The following ABCA2 variants were observed in gnomAD, a reference collection of about 807,000 sequenced individuals.
The protein encoded by ABCA2 is ATP binding cassette subfamily A member 2.
In ABCA2, 84 loss-of-function variants were observed where a neutral mutation model predicts 262.8. That is an observed-to-expected ratio of 0.32 (90% CI 0.27 to 0.38). The LOEUF (loss-of-function observed/expected upper bound fraction) is 0.38, where lower values mean the gene tolerates loss of function less well. Ranked by LOEUF, ABCA2 falls within the 10% of genes least tolerant of loss-of-function variation. ABCA2 has a pLI of 1.00. For missense variants in ABCA2, 2,662 were observed against 3,405.9 expected (o/e 0.78, Z 5.44); for synonymous variants, 1,696 against 1,502.9 (o/e 1.13, Z -2.97).
Position 137,016,372 on chromosome 9 carries a change from AG to A in ABCA2, c.3022del (p.Leu1008Ter). 1 of 1,612,934 alleles carries A rather than the reference AG, an allele frequency of 6.2e-7. No individual in the cohort carries two copies. The highest frequency in any genetic ancestry group is 8.5e-7 in the Non-Finnish European group (1 of 1,179,992). On this transcript the variant is annotated frameshift_variant, in exon 21 of 49. Transcript: ENST00000341511. LOFTEE classifies it high-confidence loss of function. The part of the protein sequence containing the change: ...KVYKDDKKLA[L>X]NKLSLNLYEN... ...GTAGAGGTTCAGGCTCAGCTTGTTC[AG>A]GGCCAGCTTCTTGTCGTCCTTGTAG...
chr9:137,015,398 C>A lies in ABCA2; in HGVS notation c.3697+16G>T. On this transcript the variant is annotated intron_variant, in intron 24 of 48. Coordinates refer to ENST00000341511, the MANE Select transcript of ABCA2 (RefSeq NM_001606.5). The stretch of plus-strand genomic sequence containing the variant: ...GAAGGTGGCCCGAAGCCAGCTCAGG[C>A]AGCTTCAACACAGACCTTGGGGGCC... 1 of 1,543,904 alleles carries A rather than the reference C, an allele frequency of 6.5e-7. No homozygotes were observed. The highest frequency in any genetic ancestry group is 8.7e-7 in the Non-Finnish European group (1 of 1,143,038).
At position 137,017,537 on chromosome 9, in the gene ABCA2, G is replaced by A. The variant is rs781321801; in HGVS notation, c.2367C>T (p.Phe789=). The A allele has an allele frequency of 6.2e-7, 1 of 1,611,106 alleles. No homozygotes were observed. Among genetic ancestry groups the A allele is most frequent in the Non-Finnish European group, 8.5e-7 (1 of 1,178,536 alleles). The change falls in exon 17 of 49, where the codon TTC becomes TTT. Residue 789 remains phenylalanine (F), a synonymous_variant. Transcript: ENST00000341511. ...TGGTGGCCACCGCGTAGACTGCCAG[G>A]AAGAGCCAGATGATGACCACGTGGC... ...MHSHVVIIWL[F]LAVYAVATIM...
In ABCA2 at chr9:137,015,490, G is replaced by C. The variant is rs748783686; in HGVS notation, c.3621C>G (p.Leu1207=). The C allele has an allele frequency of 1.2e-6, 2 of 1,610,250 alleles. No individual in the cohort carries two copies. The highest frequency in any genetic ancestry group is 8.5e-7 in the Non-Finnish European group (1 of 1,178,912). The change falls in exon 24 of 49, where the codon CTC becomes CTG. Residue 1207 remains leucine, a synonymous_variant. Coordinates refer to ENST00000341511, the MANE Select transcript of ABCA2 (RefSeq NM_001606.5). ...HGKLKCCGSP[L]FLKGTYGDGY... is the part of the protein sequence containing the mutation. ...CGTCGCCATAGGTGCCCTTGAGGAA[G>C]AGCGGGGAGCCGCAGCACTTGAGCT...
chr9:137,012,972 GC>G (rs764743418), intron 30 of ABCA2, 29 bp downstream of exon 30: 9 of 1,480,024 alleles, frequency 6.1e-6, no homozygotes, highest in East Asian at 2.5e-5. Flanking sequence ...CACTGCCCCT[GC>G]CCCCCCAGCA....
intron 43 of ABCA2, 43 bp from the exon 44 acceptor site, chr9:137,009,687 C>A (rs1473442468): frequency 1.2e-6 from 2 of 1,612,126 alleles, no homozygotes; most frequent in South Asian, 1.1e-5. Flanking sequence ...GGCCCACACA[C>A]CCCAGCCTGA....
rs1437310870 is a variant in ABCA2, at chr9:137,008,791, C to T, written c.7008G>A (p.Glu2336=). ...CGATGCCCAGCACGCCAGACACCTG[C>T]TCCATCTTGCTGAACACCTGGGCCA... The part of the protein sequence containing the change: ...ISLAQVFSKM[E]QVSGVLGIED... Residue 2336 remains glutamate, a synonymous_variant, in exon 47 of 49, where the codon GAG becomes GAA. Coordinates refer to ENST00000341511, the MANE Select transcript of ABCA2 (RefSeq NM_001606.5). 1 of 1,603,214 alleles carries T rather than the reference C, an allele frequency of 6.2e-7. No individual in the cohort carries two copies.
intron 6 of ABCA2, 81 bp downstream of exon 6, chr9:137,022,270 A>G: frequency 6.8e-7 from 1 of 1,474,108 alleles, no homozygotes. Context: ...CAGGCTGAGC[A>G]TCCTGAGGAT....
At chr9:137,025,099 C>T (rs1831608575) in intron 1 of ABCA2, among the ~76,000 whole-genome samples, 1 of 152,246 alleles carries the variant, frequency 6.6e-6, no homozygotes, top group Non-Finnish European at 1.5e-5. Flanking sequence ...TGCCCTGTCC[C>T]CTCTCCTGAC....
At chr9:137,009,076 C>T (rs781542853) in intron 45 of ABCA2, 23 bp from the exon 46 acceptor site, 14 of 1,596,510 alleles carry the variant, frequency 8.8e-6, no homozygotes, top group Admixed American at 6.7e-5. Context: ...GCCGGTGGCC[C>T]GGAGCCCTGC....
rs758468761 is a variant in ABCA2, at chr9:137,021,598, C to T, written c.691G>A (p.Ala231Thr). 3 of 1,555,660 alleles carry T rather than the reference C, an allele frequency of 1.9e-6. No individual in the cohort carries two copies. The highest frequency in any genetic ancestry group is 2.6e-6 in the Non-Finnish European group (3 of 1,151,026). ...PLFRMEELLL[A>T]PALLEQLTCT... ...GTGAGCTGCTCCAGGAGGGCAGGAG[C>T]CAGCAGCAGCTCCTGGGATGGGCAC... Residue 231 changes from alanine to threonine, a missense_variant, in exon 8 of 49, where the codon GCT (alanine) becomes ACT (threonine). Physicochemically the swap from Ala to Thr is moderately conservative, Grantham distance 58. Around this residue, in one of 12 missense-constraint regions of ABCA2, gnomAD observed 403 missense variants for 375.9 expected, o/e 1.07. Transcript: ENST00000341511. The surrounding 1 kb of genome is among the most constrained non-coding windows in gnomAD (Gnocchi z 6.0).
chr9:137,014,873 C>G, intron 25 of ABCA2, 40 bp downstream of exon 25: 1 of 1,577,270 alleles, frequency 6.3e-7, no homozygotes, highest in Non-Finnish European at 8.6e-7. Context: ...CGCCCACCTC[C>G]ACCACCTGCA....
chr9:137,008,671 AG>A, intron 47 of ABCA2, 49 bp from the exon 48 acceptor site: 1 of 318,228 alleles, frequency 3.1e-6, no homozygotes, highest in East Asian at 1.9e-4. Flanking sequence ...TGGGGTGAGG[AG>A]GGGCAGGGCG....
At chr9:137,009,925 C>T (rs200943174) in intron 42 of ABCA2, 22 bp from the exon 43 acceptor site, 347 of 1,600,802 alleles carry the variant, frequency 2.2e-4, no homozygotes, top group Non-Finnish European at 2.9e-4. Flanking sequence ...ACGCAGGTGT[C>T]AGTGGAGGCA....
chr9:137,008,320 G>T (rs749899477), intron 48 of ABCA2, 96 bp downstream of exon 48: 1 of 1,400,970 alleles, frequency 7.1e-7, no homozygotes, highest in Non-Finnish European at 9.8e-7. Flanking sequence ...GCATCCTGGG[G>T]CCAGTTCTCC....
chr9:137,013,383 G>GCCCCC, intron 29 of ABCA2, 65 bp from the exon 30 acceptor site: 1 of 1,433,516 alleles, frequency 7.0e-7, no homozygotes. Context: ...CCGCCCCCTC[G>GCCCCC]CCCGCCTGGC....
chr9:137,028,357 C>A, upstream of ABCA2: 1 of 838,332 alleles, frequency 1.2e-6, no homozygotes, highest in Non-Finnish European at 1.4e-6. This position sits in a 1 kb window ranked among gnomAD's most constrained non-coding sequence, Gnocchi z 6.9. Flanking sequence ...GCGCTCCGTC[C>A]GCGCCCGCCA....
chr9:137,016,862 C>A, intron 19 of ABCA2, 58 bp downstream of exon 19: 1 of 1,592,928 alleles, frequency 6.3e-7, no homozygotes, highest in South Asian at 1.1e-5. Context: ...GACTGCTGGT[C>A]CCCAACCCTG....
chr9:137,019,424 CTTT>C lies in ABCA2; in HGVS notation c.1426-121_1426-119del, dbSNP rs35180161. ...ATTGCCAACAACTAACCCTCCCCAC[CTTT>C]TTTTTTTTTTTTTTCCTGAGACAGG... On this transcript the variant is annotated intron_variant, in intron 10 of 48. Coordinates refer to ENST00000341511, the MANE Select transcript of ABCA2 (RefSeq NM_001606.5). The surrounding 1 kb of genome is among the most constrained non-coding windows in gnomAD (Gnocchi z 4.4). The C allele has an allele frequency of 3.4e-3, 3,027 of 899,014 alleles. No individual in the cohort carries two copies. Among genetic ancestry groups the C allele is most frequent in the East Asian group, 4.6e-3 (149 of 32,350 alleles). 55.7% of individuals were successfully genotyped at this position (899,014 alleles called of 1,614,324 possible).
At position 137,012,814 on chromosome 9, in the gene ABCA2, G is replaced by A. The variant is rs747923515; in HGVS notation, c.4979C>T (p.Pro1660Leu). ...FSCPSSVGGHPPQMRVVTGDI... is the reference protein window; with the variant it reads ...FSCPSSVGGHLPQMRVVTGDI... ...GCCTGTGACCACCCGCATCTGGGGC[G>A]GGTGCCCGCCCACACTGCTGGGGCA... Residue 1660 changes from proline (P) to leucine (L), a missense_variant, in exon 31 of 49, where the codon CCG (proline) becomes CTG (leucine). Transcript: ENST00000341511. 8.7e-6 allele frequency: 14 copies of A among 1,610,900 alleles called. No individual in the cohort carries two copies. The highest frequency in any genetic ancestry group is 5.3e-5 in the African/African-American group (4 of 74,924).
Sources: gnomAD v4.1 joint callset for allele counts (sites outside exome capture counted in the v4.1 genomes callset) on GRCh38, gnomAD v4.1.1 for gene constraint, gnomAD v4.1.1 regional missense constraint, Gnocchi (gnomAD v3.1) non-coding constraint, MANE v1.5 for transcripts, NCBI Gene and HGNC (gene_info 2026-07-23, HGNC 2026-07-21) for gene names.